Variants in VPS8 observed in about 807,000 individuals in gnomAD.
The protein encoded by VPS8 is VPS8 subunit of CORVET complex.
In VPS8, 129 loss-of-function variants were observed where a neutral mutation model predicts 216.4. The observed-to-expected ratio is 0.60, with a 90% CI of 0.52 to 0.69. VPS8 has a LOEUF of 0.69. VPS8 is among the 30% of genes least tolerant of loss of function. The pLI, the probability that VPS8 is intolerant of heterozygous loss-of-function variation, is 0.00. For missense variants in VPS8, 1,531 were observed against 1,683.5 expected (o/e 0.91, Z 1.59); for synonymous variants, 571 against 565.4 (o/e 1.01, Z -0.14).
chr3:184,954,459 CCTTATCCTG>C (rs1745238655), intron 36 of VPS8, among the ~76,000 whole-genome samples: 1 of 152,170 alleles, frequency 6.6e-6, no homozygotes, highest in Non-Finnish European at 1.5e-5. Flanking sequence ...ACCAACCAGC[CCTTATCCTG>C]AGGCTGGCCA....
intron 22 of VPS8, among the ~76,000 whole-genome samples, chr3:184,891,048 T>C (rs1321899460): frequency 6.6e-6 from 1 of 152,174 alleles, no homozygotes; most frequent in Non-Finnish European, 1.5e-5. Context: ...AAACCATAAT[T>C]ATAATTTTGA....
rs753761472 is a variant in VPS8, at chr3:184,854,166, A to T, written c.1028A>T (p.Tyr343Phe). ...TTGAAAGTATGGATGACTTTTCCCT[A>T]TGGCCGGGTGAGTACGTCCCTCCAT... ...PSLKVWMTFPYGRMDPSSVPL... is the reference protein window; with the variant it reads ...PSLKVWMTFPFGRMDPSSVPL... Residue 343 changes from tyrosine to phenylalanine, a missense_variant, in exon 13 of 48, where the codon TAT (tyrosine) becomes TTT (phenylalanine). Transcript: ENST00000625842. The T allele has an allele frequency of 1.9e-6, 3 of 1,613,576 alleles. No homozygotes were observed. The highest frequency in any genetic ancestry group is 2.5e-6 in the Non-Finnish European group (3 of 1,179,718).
intron 5 of VPS8, chr3:184,835,033 T>G: frequency 4.1e-6 from 1 of 241,962 alleles, no homozygotes; most frequent in Non-Finnish European, 7.9e-6. Context: ...TTTAAATTCC[T>G]TTTCATTTAG....
intron 46 of VPS8, among the ~76,000 whole-genome samples, chr3:185,038,488 T>C (rs1228613557): frequency 6.6e-6 from 1 of 152,234 alleles, no homozygotes; most frequent in Non-Finnish European, 1.5e-5. Flanking sequence ...AGTTATCTTC[T>C]GCAAAGTAGC....
chr3:184,915,280 C>T, intron 27 of VPS8, 75 bp from the exon 28 acceptor site: 1 of 1,529,124 alleles, frequency 6.5e-7, no homozygotes, highest in Non-Finnish European at 8.8e-7. Context: ...TTATTTTATC[C>T]AAATGAGAAT....
rs778391794 is a variant in VPS8 at position 184,824,960 on chromosome 3, C to T, written c.153+175C>T. 12 of 639,242 alleles carry T rather than the reference C, an allele frequency of 1.9e-5. No individual in the cohort carries two copies. In the African/African-American group the frequency reaches 2.2e-4, roughly 12 times the overall value. The allele number at this position is 639,242 out of a possible 1,614,324, so 39.6% of individuals were successfully genotyped here. A position where few individuals can be genotyped will look rare whatever the true frequency, so the allele number is the denominator to read the frequency against. ...TCACTCTGTTGTCCAGGTTGGAGTA[C>T]AGTGGTGCAAACATGGCTCACTGAA... On this transcript the variant is annotated intron_variant, in intron 2 of 47. Coordinates refer to ENST00000625842, the MANE Select transcript of VPS8 (RefSeq NM_001009921.3).
chr3:184,870,897 G>GT, intron 21 of VPS8, 92 bp downstream of exon 21: 1 of 1,174,436 alleles, frequency 8.5e-7, no homozygotes, highest in East Asian at 2.6e-5. Context: ...TTCATTTTTG[G>GT]TTAAACATTT....
At chr3:184,922,233 G>A (rs991220658) in intron 29 of VPS8, among the ~76,000 whole-genome samples, 2 of 152,102 alleles carry the variant, frequency 1.3e-5, no homozygotes, top group Admixed American at 6.6e-5. Context: ...TGTTTTGAAC[G>A]CTCTCCCACA....
chr3:184,852,428 T>C (rs1724471607), intron 10 of VPS8, 72 bp from the exon 11 acceptor site: 2 of 1,392,722 alleles, frequency 1.4e-6, no homozygotes, highest in Non-Finnish European at 2.0e-6. Context: ...TTTTCAAAAT[T>C]GTATAATTTT....
intron 30 of VPS8, 97 bp from the exon 31 acceptor site, chr3:184,926,497 T>G: frequency 1.5e-4 from 189 of 1,236,486 alleles, no homozygotes; most frequent in Non-Finnish European, 2.0e-4. Flanking sequence ...TGGGTGTGAA[T>G]GAGTTGGTTA....
intron 46 of VPS8, among the ~76,000 whole-genome samples, chr3:185,027,391 C>T (rs1421694646): frequency 4.0e-5 from 6 of 151,242 alleles, no homozygotes; most frequent in Non-Finnish European, 5.9e-5. Context: ...TACAGGTGCC[C>T]GCCACCACGC....
chr3:184,869,447 CTT>C (rs762136125), intron 19 of VPS8, 33 bp from the exon 20 acceptor site: 13 of 1,610,394 alleles, frequency 8.1e-6, no homozygotes, highest in Non-Finnish European at 1.1e-5. Flanking sequence ...TGTGGACTAA[CTT>C]TTGTTTTTTT....
chr3:184,945,854 A>G (rs1266468336), intron 36 of VPS8, among the ~76,000 whole-genome samples: 1 of 152,188 alleles, frequency 6.6e-6, no homozygotes, highest in East Asian at 1.9e-4. Flanking sequence ...ATGGATAATT[A>G]GGTGGGCAAG....
chr3:184,898,456 A>C (rs1733914498), intron 23 of VPS8, 109 bp from the exon 24 acceptor site: 1 of 864,900 alleles, frequency 1.2e-6, no homozygotes, highest in African/African-American at 1.7e-5. Flanking sequence ...TCAGAGAAGA[A>C]ACAAGAAAAA....
intron 46 of VPS8, among the ~76,000 whole-genome samples, chr3:185,038,130 G>A (rs141302664): frequency 9.9e-5 from 15 of 152,272 alleles, no homozygotes; most frequent in African/African-American, 2.4e-4. Context: ...TTGGTGACTG[G>A]CTAGATGAAT....
At chr3:184,970,834 T>C (rs1748283978) in intron 39 of VPS8, among the ~76,000 whole-genome samples, 1 of 152,196 alleles carries the variant, frequency 6.6e-6, no homozygotes, top group African/African-American at 2.4e-5. Context: ...ACTAAGAGAC[T>C]ATTGCAGTAG....
At chr3:184,962,926 C>T (rs1746776669) in intron 37 of VPS8, among the ~76,000 whole-genome samples, 1 of 152,056 alleles carries the variant, frequency 6.6e-6, no homozygotes, top group East Asian at 1.9e-4. Flanking sequence ...GGCCAGTGGT[C>T]CATGTGGCAT....
Position 185,024,361 on chromosome 3 carries a change from A to T in VPS8, c.4028A>T (p.Gln1343Leu). Residue 1343 changes from glutamine (Q) to leucine (L), a missense_variant, in exon 46 of 48, where the codon CAG becomes CTG. By Grantham distance (113) the Gln-to-Leu change is moderately radical. Transcript: ENST00000625842. ...GTAAAAATGTCTCCATCGTATCATC[A>T]GTCCAAAGGGGATCCCACTGCTAAA... is the stretch of plus-strand genomic sequence containing the variant. ...SQVKMSPSYH[Q>L]SKGDPTAKKG... is the part of the protein sequence containing the mutation. 6.3e-7 allele frequency: 1 copy of T among 1,598,786 alleles called. No homozygotes were observed. The highest frequency in any genetic ancestry group is 8.5e-7 in the Non-Finnish European group (1 of 1,171,896).
At chr3:184,993,773 G>A (rs1326182124) in intron 42 of VPS8, among the ~76,000 whole-genome samples, 2 of 152,112 alleles carry the variant, frequency 1.3e-5, no homozygotes, top group Admixed American at 6.6e-5. Flanking sequence ...TTAAGAAAGG[G>A]GCTTGGATAA....
Sources: allele counts gnomAD v4.1 joint callset (sites outside exome capture counted in the v4.1 genomes callset), GRCh38; gene constraint gnomAD v4.1.1; transcripts MANE v1.5; gene names NCBI Gene and HGNC (gene_info 2026-07-23, HGNC 2026-07-21).